Variants in SORCS2 observed in about 807,000 individuals in gnomAD.
The protein encoded by SORCS2 is sortilin related VPS10 domain containing receptor 2.
SORCS2 carries 100 observed loss-of-function variants against 141.6 expected under a neutral mutation model. The ratio of observed to expected loss-of-function variants is 0.71; its 90% CI spans 0.60 to 0.83. The LOEUF (loss-of-function observed/expected upper bound fraction) is 0.83. Among genes scored for constraint, SORCS2 ranks in the 40% least tolerant of loss-of-function variants. The pLI, the probability that SORCS2 is intolerant of heterozygous loss-of-function variation, is 0.00. For synonymous variants in SORCS2, 789 were observed against 676.9 expected, an observed-to-expected ratio of 1.17 and a Z score of -2.57; for missense variants, 1,646 against 1,560.2, an observed-to-expected ratio of 1.05 and a Z score of -0.93.
At chr4:7,557,580 C>A (rs182375225) in intron 3 of SORCS2, among the ~76,000 whole-genome samples, 2 of 152,228 alleles carry the variant, frequency 1.3e-5, no homozygotes, top group African/African-American at 4.8e-5. Flanking sequence ...GGACTAGATT[C>A]TGTTATCATA....
chr4:7,477,869 G>A lies in SORCS2; in HGVS notation c.549-53661G>A, dbSNP rs113465831. On this transcript the variant is annotated intron_variant, in intron 2 of 26. Transcript: ENST00000507866. ...GGCCACTTTCCCTTCCAGAGTCCCC[G>A]AGTAGAGGGTGGTGGCCATTGCACC... Among the ~76,000 whole-genome samples the A allele has an allele frequency of 1.7e-3, 255 of 152,316 alleles. 1 individual carries two copies. Among genetic ancestry groups the A allele is most frequent in the Non-Finnish European group, 2.8e-3 (188 of 68,028 alleles).
At chr4:7,472,011 A>C (rs1047633682) in intron 2 of SORCS2, among the ~76,000 whole-genome samples, 2 of 152,210 alleles carry the variant, frequency 1.3e-5, no homozygotes, top group African/African-American at 4.8e-5. Flanking sequence ...ATCATTCCCT[A>C]GTGCTTCGAC....
At chr4:7,390,958 A>G (rs1411950372) in intron 1 of SORCS2, among the ~76,000 whole-genome samples, 1 of 152,200 alleles carries the variant, frequency 6.6e-6, no homozygotes, top group African/African-American at 2.4e-5. Context: ...GAAACGTGCC[A>G]GTGACCACTC....
chr4:7,560,876 T>C (rs893956881), intron 3 of SORCS2, among the ~76,000 whole-genome samples: 6 of 152,202 alleles, frequency 3.9e-5, no homozygotes, highest in African/African-American at 1.4e-4. Flanking sequence ...CAGAGGTTCC[T>C]GTGGGTGCAA....
At chr4:7,722,852 C>G (rs1192362504) in intron 18 of SORCS2, among the ~76,000 whole-genome samples, 1 of 152,190 alleles carries the variant, frequency 6.6e-6, no homozygotes, top group African/African-American at 2.4e-5. Context: ...CTGGTATAAA[C>G]TGAGAAGATG....
At chr4:7,345,884 A>T (rs1720626868) in intron 1 of SORCS2, among the ~76,000 whole-genome samples, 1 of 152,076 alleles carries the variant, frequency 6.6e-6, no homozygotes, top group Non-Finnish European at 1.5e-5. Context: ...TCCGGTGGGT[A>T]CCTGCCCTTA....
chr4:7,379,518 G>C (rs533383761), intron 1 of SORCS2, among the ~76,000 whole-genome samples: 1 of 152,358 alleles, frequency 6.6e-6, no homozygotes, highest in South Asian at 2.1e-4. Flanking sequence ...ATGTATGGCT[G>C]AGGCTTTCCC....
At chr4:7,589,556 C>A (rs567201300) in intron 3 of SORCS2, among the ~76,000 whole-genome samples, 4 of 152,278 alleles carry the variant, frequency 2.6e-5, no homozygotes, top group Non-Finnish European at 4.4e-5. Context: ...GCGCCTGCCA[C>A]CATGCCCGGC....
At position 7,728,568 on chromosome 4, in the gene SORCS2, G is replaced by C. The variant is rs1727383947; in HGVS notation, c.2982+106G>C. On this transcript the variant is annotated intron_variant, in intron 22 of 26. Transcript: ENST00000507866. ...AGGGAAAGGAGAGGCGGGTGGCACT[G>C]CCCCCGCACACGATGCTCTGGTCTT... The C allele has an allele frequency of 4.1e-6, 3 of 725,470 alleles. No homozygotes were observed. The South Asian group carries it at 5.7e-5, about 14-fold the overall frequency. 44.9% of individuals were successfully genotyped at this position (725,470 alleles called of 1,614,324 possible).
intron 1 of SORCS2, among the ~76,000 whole-genome samples, chr4:7,347,155 C>A (rs1363792557): frequency 3.9e-5 from 6 of 152,140 alleles, no homozygotes; most frequent in Non-Finnish European, 5.9e-5. Flanking sequence ...AATGCCTTTG[C>A]CCAAGGGAAG....
At chr4:7,546,268 C>G (rs1049820813) in intron 3 of SORCS2, among the ~76,000 whole-genome samples, 6 of 152,170 alleles carry the variant, frequency 3.9e-5, no homozygotes, top group African/African-American at 1.2e-4. Flanking sequence ...GGTCACCCAG[C>G]AAAGCCAAGG....
chr4:7,618,477 T>C (rs1718910427), intron 3 of SORCS2, among the ~76,000 whole-genome samples: 1 of 152,144 alleles, frequency 6.6e-6, no homozygotes, highest in African/African-American at 2.4e-5. Flanking sequence ...CCATCCCACA[T>C]TGCAATCAGA....
chr4:7,516,636 C>CG (rs1733002601), intron 2 of SORCS2, among the ~76,000 whole-genome samples: 1 of 152,072 alleles, frequency 6.6e-6, no homozygotes, highest in Non-Finnish European at 1.5e-5. Context: ...GGACAGGCGT[C>CG]GGGGCTGCAC....
At chr4:7,491,025 C>G (rs1017226859) in intron 2 of SORCS2, among the ~76,000 whole-genome samples, 1 of 152,204 alleles carries the variant, frequency 6.6e-6, no homozygotes, top group Non-Finnish European at 1.5e-5. Context: ...TGCCGCCCTT[C>G]CTGTGGCTTC....
chr4:7,683,007 C>A, intron 10 of SORCS2, 118 bp downstream of exon 10: 6 of 1,276,328 alleles, frequency 4.7e-6, no homozygotes, highest in Non-Finnish European at 6.4e-6. Context: ...ACACATGAAC[C>A]ACCTATTTCT....
chr4:7,437,121 C>T (rs1727357120), intron 2 of SORCS2, among the ~76,000 whole-genome samples: 1 of 152,124 alleles, frequency 6.6e-6, no homozygotes, highest in East Asian at 1.9e-4. Flanking sequence ...TAGCACAGAC[C>T]CCACACGTTA....
intron 1 of SORCS2, among the ~76,000 whole-genome samples, chr4:7,209,184 C>T (rs1727914313): frequency 6.6e-6 from 1 of 152,256 alleles, no homozygotes; most frequent in African/African-American, 2.4e-5. Context: ...CGGTGCCGGA[C>T]AGCCAGCATA....
rs1560108755 is a variant in SORCS2, at chr4:7,718,149, G to A, written c.2390G>A (p.Gly797Glu). The A allele has an allele frequency of 6.2e-7, 1 of 1,611,806 alleles. No individual in the cohort carries two copies. The highest frequency in any genetic ancestry group is 1.1e-5 in the South Asian group (1 of 90,760). The change falls in exon 18 of 27, where the codon GGA becomes GAA. Residue 797 changes from glycine to glutamate, a missense_variant. Gly to Glu is a moderately conservative substitution (Grantham distance 98). Coordinates refer to ENST00000507866, the MANE Select transcript of SORCS2 (RefSeq NM_020777.3). The part of the protein sequence containing the change: ...IQGEAVAVRP[G>E]EDVLFVVRQE... Reference sequence around the variant, plus strand: ...GGCGAGGCGGTGGCCGTGCGGCCTGGAGAGGACGTCCTGTTTGTGGTGCGG... The same window carrying A: ...GGCGAGGCGGTGGCCGTGCGGCCTGAAGAGGACGTCCTGTTTGTGGTGCGG...
At chr4:7,509,514 T>C (rs1343692487) in intron 2 of SORCS2, among the ~76,000 whole-genome samples, 1 of 152,056 alleles carries the variant, frequency 6.6e-6, no homozygotes, top group Non-Finnish European at 1.5e-5. Flanking sequence ...TCCATGTCCA[T>C]ACTCACCCGC....
Sources: gnomAD v4.1 joint callset for allele counts (sites outside exome capture counted in the v4.1 genomes callset) on GRCh38, gnomAD v4.1.1 for gene constraint, MANE v1.5 for transcripts, NCBI Gene and HGNC (gene_info 2026-07-23, HGNC 2026-07-21) for gene names.